SLC35G2: variants seen among roughly 807,000 people sequenced by gnomAD.
The protein encoded by SLC35G2 is transmembrane protein 22.
SLC35G2 carries 20 observed loss-of-function variants against 27.2 expected under a neutral mutation model. That is an observed-to-expected ratio of 0.74 (90% CI 0.52 to 1.07). SLC35G2 has a LOEUF of 1.07. SLC35G2 is among the 50% of genes least tolerant of loss of function. The pLI, the probability that SLC35G2 is intolerant of heterozygous loss-of-function variation, is 0.00. For synonymous variants in SLC35G2, 148 were observed against 165.3 expected (o/e 0.90, Z 0.80); for missense variants, 416 against 493.3 (o/e 0.84, Z 1.48).
At chr3:136,832,575 C>A (rs1560011829) in intron 1 of SLC35G2, among the ~76,000 whole-genome samples, 1 of 152,200 alleles carries the variant, frequency 6.6e-6, no homozygotes. Flanking sequence ...AAAGCTTATG[C>A]CTTCTTGGTC....
chr3:136,852,395 G>A (rs1282661489), intron 1 of SLC35G2, among the ~76,000 whole-genome samples: 1 of 151,910 alleles, frequency 6.6e-6, no homozygotes, highest in Non-Finnish European at 1.5e-5. Context: ...AACAAAATGA[G>A]ATTTTATTTC....
intron 1 of SLC35G2, among the ~76,000 whole-genome samples, chr3:136,852,260 A>C (rs1352024222): frequency 6.6e-6 from 1 of 152,202 alleles, no homozygotes; most frequent in Non-Finnish European, 1.5e-5. Flanking sequence ...CAGGCTAGGA[A>C]ATAGAAGGGT....
intron 1 of SLC35G2, among the ~76,000 whole-genome samples, chr3:136,844,080 C>T (rs944161716): frequency 3.9e-5 from 6 of 151,970 alleles, no homozygotes; most frequent in Non-Finnish European, 8.8e-5. Context: ...ATTTGCTGGC[C>T]GGGCACGGAG....
intron 1 of SLC35G2, among the ~76,000 whole-genome samples, chr3:136,836,103 GCAGA>G (rs1342672573): frequency 6.6e-6 from 1 of 151,738 alleles, no homozygotes; most frequent in African/African-American, 2.4e-5. Flanking sequence ...GGCCATTTTA[GCAGA>G]CAGAGCTAGG....
At chr3:136,833,785 A>G (rs73230099) in intron 1 of SLC35G2, among the ~76,000 whole-genome samples, 24,688 of 152,126 alleles carry the variant, frequency 0.16, 2,663 homozygotes, top group Non-Finnish European at 0.24. Flanking sequence ...GTACTAGTTC[A>G]TGCACTGAGG....
At chr3:136,829,497 G>C (rs1270031564) in intron 1 of SLC35G2, among the ~76,000 whole-genome samples, 1 of 152,134 alleles carries the variant, frequency 6.6e-6, no homozygotes, top group African/African-American at 2.4e-5. Context: ...TGGGATTACA[G>C]GTGTGAGCCA....
chr3:136,819,713 T>C (rs1306799938), intron 1 of SLC35G2, 85 bp downstream of exon 1: 1 of 152,204 alleles, frequency 6.6e-6, no homozygotes, highest in Admixed American at 6.5e-5. Flanking sequence ...TGGCCAAGAA[T>C]TTGTATTTTC....
intron 1 of SLC35G2, among the ~76,000 whole-genome samples, chr3:136,829,918 C>T (rs1936680692): frequency 6.6e-6 from 1 of 151,980 alleles, no homozygotes; most frequent in African/African-American, 2.4e-5. Context: ...GTTAAACCTG[C>T]TTGGTGTTCT....
intron 1 of SLC35G2, among the ~76,000 whole-genome samples, chr3:136,850,381 G>A (rs138301989): frequency 1.3e-5 from 2 of 152,086 alleles, no homozygotes; most frequent in Non-Finnish European, 2.9e-5. Flanking sequence ...TGTTACAATG[G>A]GAGGAGTTTT....
At chr3:136,825,518 A>G (rs1936563955) in intron 1 of SLC35G2, among the ~76,000 whole-genome samples, 1 of 152,122 alleles carries the variant, frequency 6.6e-6, no homozygotes, top group African/African-American at 2.4e-5. Context: ...CTGGGATTAC[A>G]GGCATGAGCC....
chr3:136,842,982 T>C (rs1937163276), intron 1 of SLC35G2: 1 of 152,180 alleles, frequency 6.6e-6, no homozygotes, highest in Non-Finnish European at 1.5e-5. Flanking sequence ...TATGATTGTT[T>C]CTGACATCTC....
intron 1 of SLC35G2, among the ~76,000 whole-genome samples, chr3:136,837,143 A>AACACAC (rs35792092): frequency 2.7e-5 from 4 of 149,712 alleles, no homozygotes; most frequent in Non-Finnish European, 5.9e-5. Flanking sequence ...ACACACACAC[A>AACACAC]ACACACACAC....
intron 1 of SLC35G2, among the ~76,000 whole-genome samples, chr3:136,839,290 A>G (rs1023796094): frequency 3.9e-5 from 6 of 152,232 alleles, no homozygotes; most frequent in African/African-American, 4.8e-5. Context: ...CATTCTAGCA[A>G]GTTCTTAGCT....
intron 1 of SLC35G2, among the ~76,000 whole-genome samples, chr3:136,834,429 G>A (rs1480000275): frequency 2.0e-5 from 3 of 152,090 alleles, no homozygotes; most frequent in Admixed American, 6.6e-5. Context: ...TGCCTCCCGG[G>A]TTCAAGCGAT....
At chr3:136,845,144 C>A (rs1937315343) in intron 1 of SLC35G2, among the ~76,000 whole-genome samples, 1 of 152,100 alleles carries the variant, frequency 6.6e-6, no homozygotes, top group Non-Finnish European at 1.5e-5. Flanking sequence ...TAAGAAAAAT[C>A]TTACTGGAAG....
At chr3:136,851,520 A>AAAAAC (rs1481592090) in intron 1 of SLC35G2, among the ~76,000 whole-genome samples, 1 of 150,798 alleles carries the variant, frequency 6.6e-6, no homozygotes, top group Admixed American at 6.6e-5. Context: ...AAAAAAAAAA[A>AAAAAC]AGATGAACAG....
intron 1 of SLC35G2, among the ~76,000 whole-genome samples, chr3:136,829,685 A>G (rs971774410): frequency 1.4e-5 from 2 of 138,600 alleles, no homozygotes; most frequent in Admixed American, 7.9e-5. Context: ...TGCACCAGCT[A>G]TACTACTCTA....
rs1310953213 is a variant in SLC35G2, at chr3:136,847,497, T to C, written c.-18-6946T>C. ...ACGTATATCAGAATTAGGAGTTAAT[T>C]TGAAACACAGAACCAGTAGGGGATT... On this transcript the variant is annotated intron_variant, in intron 1 of 1. Transcript: ENST00000446465. Among the ~76,000 whole-genome samples the C allele has an allele frequency of 2.6e-5, 4 of 152,098 alleles. No homozygotes were observed. The East Asian group carries it at 7.7e-4, about 29-fold the overall frequency.
intron 1 of SLC35G2, among the ~76,000 whole-genome samples, chr3:136,851,058 T>G (rs1185551913): frequency 6.6e-6 from 1 of 152,154 alleles, no homozygotes; most frequent in Non-Finnish European, 1.5e-5. Context: ...TTGAGACAGC[T>G]AGGTTACAAA....
Sources: allele counts gnomAD v4.1 joint callset (sites outside exome capture counted in the v4.1 genomes callset), GRCh38; gene constraint gnomAD v4.1.1; transcripts MANE v1.5; gene names NCBI Gene and HGNC (gene_info 2026-07-23, HGNC 2026-07-21).